MTHFD1L: variants seen among roughly 807,000 people sequenced by gnomAD.
The protein encoded by MTHFD1L is monofunctional C1-tetrahydrofolate synthase, mitochondrial.
MTHFD1L carries 81 observed loss-of-function variants against 119.5 expected under a neutral mutation model. The observed-to-expected ratio is 0.68, with a 90% CI of 0.57 to 0.82. The LOEUF (loss-of-function observed/expected upper bound fraction) is 0.82, where lower values mean the gene tolerates loss of function less well. Among genes scored for constraint, MTHFD1L ranks in the 40% least tolerant of loss-of-function variants. MTHFD1L has a pLI of 0.00. For synonymous variants in MTHFD1L, 430 were observed against 475.2 expected (o/e 0.90, Z 1.24); for missense variants, 1,125 against 1,253.4 (o/e 0.90, Z 1.55).
intron 16 of MTHFD1L, among the ~76,000 whole-genome samples, chr6:150,950,684 G>A (rs1794722539): frequency 6.6e-6 from 1 of 152,128 alleles, no homozygotes; most frequent in African/African-American, 2.4e-5. Flanking sequence ...TTGTTATTTT[G>A]AGACAGAGTC....
chr6:150,992,403 T>G (rs773377955), intron 20 of MTHFD1L, among the ~76,000 whole-genome samples: 63 of 152,348 alleles, frequency 4.1e-4, no homozygotes, highest in African/African-American at 1.5e-3. Flanking sequence ...CTGATCTGCA[T>G]AAGCTCTGAG....
rs57228842 is a variant in MTHFD1L, at chr6:150,889,176, C to CA, written c.780+1205dup. Among the ~76,000 whole-genome samples the CA allele has an allele frequency of 1.3e-4, 19 of 146,456 alleles. No homozygotes were observed. The East Asian group carries it at 2.8e-3, about 22-fold the overall frequency. On this transcript the variant is annotated intron_variant, in intron 7 of 27. Coordinates refer to ENST00000367321, the MANE Select transcript of MTHFD1L (RefSeq NM_015440.5). ...TGCGCGACAGAGTGAGACTCCGTCT[C>CA]AAAAAAAAAAGCTAAAACATTAACT...
rs541725730 is a variant in MTHFD1L, at chr6:151,098,677, C to A, written c.*32-2849C>A. Among the ~76,000 whole-genome samples the A allele has an allele frequency of 4.1e-3, 623 of 152,312 alleles. 4 individuals carry two copies. The highest frequency in any genetic ancestry group is 6.2e-3 in the Admixed American group (95 of 15,288). ...TCTGAGCACATTTTGATTTCTTATT[C>A]CCATGCCAGAATAGACTGTTTTGTA... On this transcript the variant is annotated intron_variant, in intron 27 of 27. Coordinates refer to ENST00000367321, the MANE Select transcript of MTHFD1L (RefSeq NM_015440.5).
intron 18 of MTHFD1L, among the ~76,000 whole-genome samples, chr6:150,964,181 G>A (rs1262301799): frequency 1.3e-5 from 2 of 152,162 alleles, no homozygotes; most frequent in Non-Finnish European, 2.9e-5. Context: ...TGTGAATATT[G>A]ACATCACATT....
At chr6:150,911,732 G>T (rs1786919343) in intron 8 of MTHFD1L, among the ~76,000 whole-genome samples, 1 of 152,192 alleles carries the variant, frequency 6.6e-6, no homozygotes, top group Admixed American at 6.5e-5. Flanking sequence ...TGGACTTACA[G>T]TTCCACATGG....
intron 12 of MTHFD1L, among the ~76,000 whole-genome samples, chr6:150,937,697 G>T (rs544678161): frequency 6.6e-6 from 1 of 152,084 alleles, no homozygotes; most frequent in Non-Finnish European, 1.5e-5. Flanking sequence ...GTTTCCTACC[G>T]CCATGTGACC....
chr6:151,077,768 A>C (rs1472572070), intron 26 of MTHFD1L, among the ~76,000 whole-genome samples: 1 of 151,508 alleles, frequency 6.6e-6, no homozygotes, highest in Non-Finnish European at 1.5e-5. Flanking sequence ...ATATCTTCAA[A>C]ATTCAAGGAA....
intron 22 of MTHFD1L, among the ~76,000 whole-genome samples, chr6:151,014,189 AGAGT>A (rs1213516775): frequency 6.6e-6 from 1 of 152,250 alleles, no homozygotes; most frequent in Admixed American, 6.5e-5. Flanking sequence ...CCTGGACGAC[AGAGT>A]GAGACTCTGT....
intron 7 of MTHFD1L, among the ~76,000 whole-genome samples, chr6:150,899,620 C>T (rs1283595628): frequency 2.0e-5 from 3 of 152,142 alleles, no homozygotes; most frequent in Non-Finnish European, 4.4e-5. Flanking sequence ...CAAAGCAATA[C>T]TCTTATGATC....
At chr6:151,015,720 A>G in intron 24 of MTHFD1L, 27 bp downstream of exon 24, 2 of 1,606,502 alleles carry the variant, frequency 1.2e-6, no homozygotes, top group Non-Finnish European at 1.7e-6. Flanking sequence ...ACAATGGCTC[A>G]CATTTCTTAC....
chr6:150,883,923 A>G (rs1781785950), intron 5 of MTHFD1L, among the ~76,000 whole-genome samples: 1 of 152,060 alleles, frequency 6.6e-6, no homozygotes. Context: ...GGAGGCTACC[A>G]CCTTCCTGAG....
intron 20 of MTHFD1L, among the ~76,000 whole-genome samples, chr6:150,977,504 G>A (rs914983480): frequency 1.3e-5 from 2 of 152,150 alleles, no homozygotes; most frequent in Non-Finnish European, 2.9e-5. Context: ...TTTACATGCT[G>A]TAAAGGCAAA....
intron 24 of MTHFD1L, among the ~76,000 whole-genome samples, chr6:151,029,571 C>T (rs1469966001): frequency 2.6e-5 from 4 of 151,982 alleles, no homozygotes; most frequent in Admixed American, 6.6e-5. Flanking sequence ...CCGAGGCAAG[C>T]GGATCACCTG....
At chr6:150,984,873 G>GA (rs1202861672) in intron 20 of MTHFD1L, among the ~76,000 whole-genome samples, 2 of 152,078 alleles carry the variant, frequency 1.3e-5, no homozygotes, top group Non-Finnish European at 2.9e-5. Flanking sequence ...ATAATACAAT[G>GA]AAAATCCAGA....
intron 12 of MTHFD1L, among the ~76,000 whole-genome samples, chr6:150,938,297 C>T (rs1257094272): frequency 2.6e-5 from 4 of 152,228 alleles, no homozygotes; most frequent in Admixed American, 6.5e-5. Flanking sequence ...GGTTTACAGG[C>T]ATGAGCCACC....
At chr6:151,036,917 G>A in intron 25 of MTHFD1L, 48 bp from the exon 26 acceptor site, 2 of 1,604,978 alleles carry the variant, frequency 1.2e-6, no homozygotes, top group Non-Finnish European at 1.7e-6. Flanking sequence ...AAAAGCACAG[G>A]AGACTAACAT....
At chr6:150,866,865 C>G (rs1384026785) in intron 1 of MTHFD1L, among the ~76,000 whole-genome samples, 1 of 152,166 alleles carries the variant, frequency 6.6e-6, no homozygotes, top group Non-Finnish European at 1.5e-5. Flanking sequence ...GGGTCTCGGG[C>G]CTTGCAGGGC....
chr6:150,936,787 T>G lies in MTHFD1L; in HGVS notation c.1257-17T>G, dbSNP rs1368517039. 3.1e-6 allele frequency: 5 copies of G among 1,605,684 alleles called. No individual in the cohort carries two copies. The highest frequency in any genetic ancestry group is 1.7e-5 in the Admixed American group (1 of 59,478). Reference sequence around the variant, plus strand: ...CTGGGAAATATTATAAAATTCACTTTCTCCCCCCGAACTCAGGATCACACC... The same window carrying G: ...CTGGGAAATATTATAAAATTCACTTGCTCCCCCCGAACTCAGGATCACACC... On this transcript the variant is annotated splice_polypyrimidine_tract_variant and intron_variant, in intron 11 of 27. Coordinates refer to ENST00000367321, the MANE Select transcript of MTHFD1L (RefSeq NM_015440.5).
At position 150,866,739 on chromosome 6, in the gene MTHFD1L, G is replaced by A. The variant is rs562232642; in HGVS notation, c.227+690G>A. The A allele has an allele frequency of 1.9e-5, 20 of 1,043,920 alleles. No homozygotes were observed. In the South Asian group the frequency reaches 7.9e-4, roughly 41 times the overall value. 64.7% of individuals were successfully genotyped at this position (1,043,920 alleles called of 1,614,324 possible). On this transcript the variant is annotated intron_variant, in intron 1 of 27. Transcript: ENST00000367321. ...GCCCACGGAGTCCCCGCGCAGCTGG[G>A]TTTGCAGGGTTTTCTGCGGGCCCAG...
Sources: allele counts gnomAD v4.1 joint callset (sites outside exome capture counted in the v4.1 genomes callset), GRCh38; gene constraint gnomAD v4.1.1; transcripts MANE v1.5; gene names NCBI Gene and HGNC (gene_info 2026-07-23, HGNC 2026-07-21).